Variants in FOXB1 observed in about 807,000 individuals in gnomAD.
FOXB1 encodes forkhead box B1.
FOXB1 carries 6 observed loss-of-function variants against 18.6 expected under a neutral mutation model. That is an observed-to-expected ratio of 0.32 (90% confidence interval 0.18 to 0.64). The LOEUF is 0.64. Ranked by LOEUF, FOXB1 falls within the 30% of genes least tolerant of loss-of-function variation. The pLI is 0.78. For missense variants in FOXB1, 419 were observed against 463.6 expected (o/e 0.90, Z 0.88); for synonymous variants, 213 against 216.0 (o/e 0.99, Z 0.12).
chr15:60,005,982 A>G lies in FOXB1; in HGVS notation c.*41A>G, dbSNP rs1892092222. 1 of 1,508,280 alleles carries G rather than the reference A, an allele frequency of 6.6e-7. No individual in the cohort carries two copies. The allele number at this position is 1,508,280 out of a possible 1,614,324, so 93.4% of individuals were successfully genotyped here. Reference sequence around the variant, plus strand: ...GCCCCCTCTCGTTCTCCTCCCCACCACCTCACTCGCCTTCCCTGGCTCCCA... The same window carrying G: ...GCCCCCTCTCGTTCTCCTCCCCACCGCCTCACTCGCCTTCCCTGGCTCCCA... On this transcript the variant is annotated 3_prime_UTR_variant, in exon 2 of 2. Transcript: ENST00000396057. The surrounding 1 kb of genome is among the most constrained non-coding windows in gnomAD (Gnocchi z 9.8).
In FOXB1 at chr15:60,004,655, T is replaced by A. The variant is rs1892067786; in HGVS notation, c.-58+12T>A. The A allele has an allele frequency of 1.1e-5, 4 of 360,554 alleles. No individual in the cohort carries two copies. Among genetic ancestry groups the A allele is most frequent in the Non-Finnish European group, 2.0e-5 (4 of 197,830 alleles). 22.3% of individuals were successfully genotyped at this position (360,554 alleles called of 1,614,324 possible). On this transcript the variant is annotated intron_variant, in intron 1 of 1. Transcript: ENST00000396057. ...GAAGCAACTTTAAGGTGAGCAGCTC[T>A]CTGTTCCGTCCCTGCCCCCTATTCT...
rs1329119321 is a variant in FOXB1 at position 60,005,834 on chromosome 15, C to A, written c.871C>A (p.Leu291Ile). ...PTLLSNSPPS[L>I]SPTSSQTATS... ...CTTGCTCTCGAACTCGCCGCCCTCG[C>A]TCAGCCCCACGTCCTCGCAAACAGC... The change falls in exon 2 of 2, where the codon CTC becomes ATC. Residue 291 changes from leucine (L) to isoleucine (I), a missense_variant. Leu to Ile is a conservative substitution (Grantham distance 5, BLOSUM62 2). This residue lies in a region of FOXB1 where 195 missense variants were observed against 179.8 expected (regional missense o/e 1.08). Transcript: ENST00000396057. The surrounding 1 kb of genome is among the most constrained non-coding windows in gnomAD (Gnocchi z 9.8). The A allele has an allele frequency of 6.2e-7, 1 of 1,604,140 alleles. No homozygotes were observed. The highest frequency in any genetic ancestry group is 1.7e-5 in the Admixed American group (1 of 59,164).
chr15:60,005,875 C>T lies in FOXB1; in HGVS notation c.912C>T (p.Ser304=), dbSNP rs1263982478. ...CGCAAACAGCCACCAGCCAAAGCAGCCCCGCCACCCCCAGCGAAACGCTCA... is the reference window on the plus strand; with the variant it reads ...CGCAAACAGCCACCAGCCAAAGCAGTCCCGCCACCCCCAGCGAAACGCTCA... ...TSSQTATSQS[S]PATPSETLTS... is the part of the protein sequence containing the mutation. Residue 304 remains serine, a synonymous_variant, in exon 2 of 2, where the codon AGC becomes AGT. Transcript: ENST00000396057. The surrounding 1 kb of genome is among the most constrained non-coding windows in gnomAD (Gnocchi z 9.8). 6.3e-7 allele frequency: 1 copy of T among 1,597,102 alleles called. No individual in the cohort carries two copies. The highest frequency in any genetic ancestry group is 8.5e-7 in the Non-Finnish European group (1 of 1,173,572).
Position 60,005,295 on chromosome 15 carries a change from T to A in FOXB1, c.332T>A (p.Val111Glu). The A allele has an allele frequency of 6.2e-7, 1 of 1,613,104 alleles. No homozygotes were observed. The change falls in exon 2 of 2, where the codon GTG (valine) becomes GAG (glutamate). Residue 111 changes from valine (V) to glutamate (E), a missense_variant. Val to Glu is a moderately radical substitution (Grantham distance 121). Coordinates refer to ENST00000396057, the MANE Select transcript of FOXB1 (RefSeq NM_012182.3). The surrounding 1 kb of genome is among the most constrained non-coding windows in gnomAD (Gnocchi z 9.8). ...CTGCGGCGCCGCAAGCGCTTCAAGG[T>A]GCTTAAGTCCGACCACCTGGCGCCC... The part of the protein sequence containing the change: ...SFLRRRKRFK[V>E]LKSDHLAPSK...
chr15:60,005,859 C>T lies in FOXB1; in HGVS notation c.896C>T (p.Ala299Val), dbSNP rs768665651. 4 of 1,600,622 alleles carry T rather than the reference C, an allele frequency of 2.5e-6. No individual in the cohort carries two copies. In the South Asian group the frequency reaches 3.3e-5, roughly 13 times the overall value. Residue 299 changes from alanine (A) to valine (V), a missense_variant, in exon 2 of 2, where the codon GCC (alanine) becomes GTC (valine). Transcript: ENST00000396057. The surrounding 1 kb of genome is among the most constrained non-coding windows in gnomAD (Gnocchi z 9.8). ...PSLSPTSSQT[A>V]TSQSSPATPS... ...CTCAGCCCCACGTCCTCGCAAACAG[C>T]CACCAGCCAAAGCAGCCCCGCCACC...
chr15:60,005,698 G>A lies in FOXB1; in HGVS notation c.735G>A (p.Leu245=). 2 of 1,604,308 alleles carry A rather than the reference G, an allele frequency of 1.2e-6. No homozygotes were observed. Among genetic ancestry groups the A allele is most frequent in the Non-Finnish European group, 1.7e-6 (2 of 1,177,810 alleles). ...ACTACAGCGCCTACGGCGTGCCGTTGAAGCCGCTGTGCCACGCGGCGGGCC... is the reference window on the plus strand; with the variant it reads ...ACTACAGCGCCTACGGCGTGCCGTTAAAGCCGCTGTGCCACGCGGCGGGCC... The part of the protein sequence containing the change: ...SGDYSAYGVP[L]KPLCHAAGQT... The change falls in exon 2 of 2, where the codon TTG becomes TTA. Residue 245 remains leucine, a synonymous_variant. Coordinates refer to ENST00000396057, the MANE Select transcript of FOXB1 (RefSeq NM_012182.3). This position sits in a 1 kb window ranked among gnomAD's most constrained non-coding sequence, Gnocchi z 9.8.
rs1892107684 is a variant in FOXB1, at chr15:60,006,930, A to AAAAAG, written c.*991_*992insAAGAA. 1 of 144,990 alleles carries AAAAAG rather than the reference A, an allele frequency of 6.9e-6. No individual in the cohort carries two copies. The highest frequency in any genetic ancestry group is 7.1e-5 in the Admixed American group (1 of 14,068). 9.0% of individuals were successfully genotyped at this position (144,990 alleles called of 1,614,324 possible). On this transcript the variant is annotated 3_prime_UTR_variant, in exon 2 of 2. Transcript: ENST00000396057. The stretch of plus-strand genomic sequence containing the variant: ...TATTGTTGGGAAAAAAAAAAAAAAA[A>AAAAAG]AAGAAGGAAAGAAAATGAAATAAGC...
Position 60,006,178 on chromosome 15 carries a change from G to C in FOXB1, c.*237G>C. On this transcript the variant is annotated 3_prime_UTR_variant, in exon 2 of 2. Coordinates refer to ENST00000396057, the MANE Select transcript of FOXB1 (RefSeq NM_012182.3). ...CCTCGCCCCCACATCAAGGAAGGCCGGGGCCACCTGAGCCGAACCATCCCC... is the reference window on the plus strand; with the variant it reads ...CCTCGCCCCCACATCAAGGAAGGCCCGGGCCACCTGAGCCGAACCATCCCC... 5.5e-6 allele frequency: 3 copies of C among 540,906 alleles called. No homozygotes were observed. The highest frequency in any genetic ancestry group is 3.7e-5 in the Admixed American group (1 of 26,992). 33.5% of individuals were successfully genotyped at this position (540,906 alleles called of 1,614,324 possible). A position where few individuals can be genotyped will look rare whatever the true frequency, so the allele number is the denominator to read the frequency against.
In FOXB1 at chr15:60,005,020, C is replaced by G. The variant is rs771811187; in HGVS notation, c.57C>G (p.Ile19Met). Residue 19 changes from isoleucine (I) to methionine (M), a missense_variant, in exon 2 of 2, where the codon ATC becomes ATG. Transcript: ENST00000396057. This position sits in a 1 kb window ranked among gnomAD's most constrained non-coding sequence, Gnocchi z 9.8. The stretch of plus-strand genomic sequence containing the variant: ...ACCAGAAGCCGCCCTACTCGTACAT[C>G]TCGCTGACCGCTATGGCCATCCAGA... Reference protein sequence around the residue: ...YSDQKPPYSYISLTAMAIQSS... With the variant: ...YSDQKPPYSYMSLTAMAIQSS... The G allele has an allele frequency of 1.9e-6, 3 of 1,614,130 alleles. No homozygotes were observed. The highest frequency in any genetic ancestry group is 4.5e-5 in the East Asian group (2 of 44,860).
Position 60,005,768 on chromosome 15 carries a change from G to A in FOXB1, c.805G>A (p.Ala269Thr), listed in dbSNP as rs1454486723. 1 of 1,601,394 alleles carries A rather than the reference G, an allele frequency of 6.2e-7. No individual in the cohort carries two copies. Among genetic ancestry groups the A allele is most frequent in the Non-Finnish European group, 8.5e-7 (1 of 1,176,970 alleles). The change falls in exon 2 of 2, where the codon GCC (alanine) becomes ACC (threonine). Residue 269 changes from alanine (A) to threonine (T), a missense_variant. This residue lies in a region of FOXB1 where 195 missense variants were observed against 179.8 expected (regional missense o/e 1.08). Coordinates refer to ENST00000396057, the MANE Select transcript of FOXB1 (RefSeq NM_012182.3). This position sits in a 1 kb window ranked among gnomAD's most constrained non-coding sequence, Gnocchi z 9.8. ...IPVPIKPTPA[A>T]VPALPALPAP... is the part of the protein sequence containing the mutation. ...CGTGCCCATTAAGCCCACGCCGGCC[G>A]CCGTGCCCGCGCTGCCTGCGCTGCC...
At position 60,005,705 on chromosome 15, in the gene FOXB1, C is replaced by A. The variant is rs760971804; in HGVS notation, c.742C>A (p.Leu248Met). ...YSAYGVPLKP[L>M]CHAAGQTLPA... is the part of the protein sequence containing the mutation. ...CGCCTACGGCGTGCCGTTGAAGCCG[C>A]TGTGCCACGCGGCGGGCCAAACGCT... The change falls in exon 2 of 2, where the codon CTG becomes ATG. Residue 248 changes from leucine to methionine, a missense_variant. Around this residue, in one of 3 missense-constraint regions of FOXB1, gnomAD observed 195 missense variants for 179.8 expected, o/e 1.08. Transcript: ENST00000396057. The surrounding 1 kb of genome is among the most constrained non-coding windows in gnomAD (Gnocchi z 9.8). 7 of 1,604,856 alleles carry A rather than the reference C, an allele frequency of 4.4e-6. No individual in the cohort carries two copies. The highest frequency in any genetic ancestry group is 1.7e-5 in the Admixed American group (1 of 59,776).
Position 60,005,202 on chromosome 15 carries a change from A to T in FOXB1, c.239A>T (p.Gln80Leu), listed in dbSNP as rs1470957142. Residue 80 changes from glutamine (Q) to leucine (L), a missense_variant, in exon 2 of 2, where the codon CAG becomes CTG. Gln to Leu is a moderately radical substitution (Grantham distance 113, BLOSUM62 -2). Around this residue, in one of 3 missense-constraint regions of FOXB1, gnomAD observed 153 missense variants for 173.8 expected, o/e 0.88. Transcript: ENST00000396057. The surrounding 1 kb of genome is among the most constrained non-coding windows in gnomAD (Gnocchi z 9.8). ...ATCAAGATCCCGCGGCGGCCGGACCAGCCAGGCAAGGGCAGCTTCTGGGCG... is the reference window on the plus strand; with the variant it reads ...ATCAAGATCCCGCGGCGGCCGGACCTGCCAGGCAAGGGCAGCTTCTGGGCG... ...CFIKIPRRPD[Q>L]PGKGSFWALH... is the part of the protein sequence containing the mutation. The T allele has an allele frequency of 6.2e-7, 1 of 1,614,040 alleles. No homozygotes were observed. The highest frequency in any genetic ancestry group is 8.5e-7 in the Non-Finnish European group (1 of 1,180,036).
At position 60,004,656 on chromosome 15, in the gene FOXB1, C is replaced by G. The variant is rs765547410; in HGVS notation, c.-58+13C>G. On this transcript the variant is annotated intron_variant, in intron 1 of 1. Coordinates refer to ENST00000396057, the MANE Select transcript of FOXB1 (RefSeq NM_012182.3). Reference sequence around the variant, plus strand: ...AAGCAACTTTAAGGTGAGCAGCTCTCTGTTCCGTCCCTGCCCCCTATTCTG... The same window carrying G: ...AAGCAACTTTAAGGTGAGCAGCTCTGTGTTCCGTCCCTGCCCCCTATTCTG... The G allele has an allele frequency of 5.5e-6, 2 of 366,942 alleles. No individual in the cohort carries two copies. The highest frequency in any genetic ancestry group is 8.6e-5 in the Admixed American group (2 of 23,224). 22.7% of individuals were successfully genotyped at this position (366,942 alleles called of 1,614,324 possible).
rs1892087358 is a variant in FOXB1, at chr15:60,005,748, C to G, written c.785C>G (p.Pro262Arg). The G allele has an allele frequency of 6.2e-7, 1 of 1,602,084 alleles. No homozygotes were observed. The highest frequency in any genetic ancestry group is 8.5e-7 in the Non-Finnish European group (1 of 1,177,752). ...AGQTLPAIPV[P>R]IKPTPAAVPA... The stretch of plus-strand genomic sequence containing the variant: ...CAAACGCTGCCCGCCATCCCCGTGC[C>G]CATTAAGCCCACGCCGGCCGCCGTG... The change falls in exon 2 of 2, where the codon CCC becomes CGC. Residue 262 changes from proline to arginine, a missense_variant. This residue lies in a region of FOXB1 where 195 missense variants were observed against 179.8 expected (regional missense o/e 1.08). Coordinates refer to ENST00000396057, the MANE Select transcript of FOXB1 (RefSeq NM_012182.3). This position sits in a 1 kb window ranked among gnomAD's most constrained non-coding sequence, Gnocchi z 9.8.
Position 60,005,716 on chromosome 15 carries a change from G to A in FOXB1, c.753G>A (p.Ala251=). ...YGVPLKPLCH[A]AGQTLPAIPV... ...TGCCGTTGAAGCCGCTGTGCCACGC[G>A]GCGGGCCAAACGCTGCCCGCCATCC... The change falls in exon 2 of 2, where the codon GCG becomes GCA. Residue 251 remains alanine (A), a synonymous_variant. Coordinates refer to ENST00000396057, the MANE Select transcript of FOXB1 (RefSeq NM_012182.3). The surrounding 1 kb of genome is among the most constrained non-coding windows in gnomAD (Gnocchi z 9.8). 1 of 1,603,582 alleles carries A rather than the reference G, an allele frequency of 6.2e-7. No individual in the cohort carries two copies. Among genetic ancestry groups the A allele is most frequent in the Non-Finnish European group, 8.5e-7 (1 of 1,178,410 alleles).
At position 60,006,784 on chromosome 15, in the gene FOXB1, G is replaced by C. The variant is rs1168570311; in HGVS notation, c.*843G>C. 2.6e-5 allele frequency: 4 copies of C among 152,178 alleles called. No individual in the cohort carries two copies. The highest frequency in any genetic ancestry group is 9.7e-5 in the African/African-American group (4 of 41,424). 9.4% of individuals were successfully genotyped at this position (152,178 alleles called of 1,614,324 possible). Reference sequence around the variant, plus strand: ...AAAGCCCACATTATAAGTACCTGTTGTAATGTGAATGTTTACTCTTCATTT... The same window carrying C: ...AAAGCCCACATTATAAGTACCTGTTCTAATGTGAATGTTTACTCTTCATTT... On this transcript the variant is annotated 3_prime_UTR_variant, in exon 2 of 2. Transcript: ENST00000396057.
Position 60,006,069 on chromosome 15 carries a change from C to G in FOXB1, c.*128C>G, listed in dbSNP as rs1290735008. 1 of 1,208,800 alleles carries G rather than the reference C, an allele frequency of 8.3e-7. No homozygotes were observed. Among genetic ancestry groups the G allele is most frequent in the African/African-American group, 1.6e-5 (1 of 64,044 alleles). 74.9% of individuals were successfully genotyped at this position (1,208,800 alleles called of 1,614,324 possible). A position where few individuals can be genotyped will look rare whatever the true frequency, so the allele number is the denominator to read the frequency against. On this transcript the variant is annotated 3_prime_UTR_variant, in exon 2 of 2. Transcript: ENST00000396057. Reference sequence around the variant, plus strand: ...TTGTTCATTTCACCTTCGGCCAACCCGCCTTGCCCCAAGAGAACTTTGTTT... The same window carrying G: ...TTGTTCATTTCACCTTCGGCCAACCGGCCTTGCCCCAAGAGAACTTTGTTT...
At position 60,004,923 on chromosome 15, in the gene FOXB1, G is replaced by C. The variant is rs748257871; in HGVS notation, c.-41G>C. On this transcript the variant is annotated 5_prime_UTR_variant, in exon 2 of 2. Coordinates refer to ENST00000396057, the MANE Select transcript of FOXB1 (RefSeq NM_012182.3). The stretch of plus-strand genomic sequence containing the variant: ...CCTTCCCAGATCCGAGCAGTCCGCC[G>C]GCCCGCGCGGACCCAGAGCAAGAAG... 6 of 1,578,906 alleles carry C rather than the reference G, an allele frequency of 3.8e-6. No individual in the cohort carries two copies. The Admixed American group carries it at 7.0e-5, about 19-fold the overall frequency.
rs779829389 is a variant in FOXB1, at chr15:60,005,255, G to C, written c.292G>C (p.Glu98Gln). Residue 98 changes from glutamate (E) to glutamine (Q), a missense_variant, in exon 2 of 2, where the codon GAG becomes CAG. Glu to Gln is a conservative substitution (Grantham distance 29). Around this residue, in one of 3 missense-constraint regions of FOXB1, gnomAD observed 153 missense variants for 173.8 expected, o/e 0.88. Transcript: ENST00000396057. The surrounding 1 kb of genome is among the most constrained non-coding windows in gnomAD (Gnocchi z 9.8). The stretch of plus-strand genomic sequence containing the variant: ...GCACCCAAGCTGCGGGGACATGTTC[G>C]AGAACGGCAGCTTCCTGCGGCGCCG... ...ALHPSCGDMF[E>Q]NGSFLRRRKR... 3.7e-6 allele frequency: 6 copies of C among 1,614,036 alleles called. No individual in the cohort carries two copies. The highest frequency in any genetic ancestry group is 2.5e-6 in the Non-Finnish European group (3 of 1,180,014).
Sources: allele counts gnomAD v4.1 joint callset, GRCh38; gene constraint gnomAD v4.1.1; regional missense constraint gnomAD v4.1.1; non-coding constraint Gnocchi (gnomAD v3.1); transcripts MANE v1.5; gene names NCBI Gene and HGNC (gene_info 2026-07-23, HGNC 2026-07-21).